Variants in CD46 observed in about 807,000 individuals in gnomAD.
CD46 encodes the protein CD46 molecule.
A neutral mutation model predicts 53.3 loss-of-function variants in CD46; 30 were observed. The ratio of observed to expected loss-of-function variants is 0.56; its 90% CI spans 0.42 to 0.76. The LOEUF (loss-of-function observed/expected upper bound fraction) is 0.76. Among genes scored for constraint, CD46 ranks in the 30% least tolerant of loss-of-function variants. The pLI, the probability that CD46 is intolerant of heterozygous loss-of-function variation, is 0.00. For synonymous variants in CD46, 142 were observed against 152.0 expected (o/e 0.93, Z 0.48); for missense variants, 409 against 463.0 (o/e 0.88, Z 1.07).
chr1:207,776,011 T>C (rs1445730217), intron 8 of CD46, among the ~76,000 whole-genome samples: 11 of 152,222 alleles, frequency 7.2e-5, no homozygotes. Context: ...TGAGCTGCGG[T>C]GGGCTCCTCC....
In CD46 at chr1:207,757,611, G is replaced by C; in HGVS notation, c.358G>C (p.Gly120Arg). 6.2e-7 allele frequency: 1 copy of C among 1,610,508 alleles called. No homozygotes were observed. Among genetic ancestry groups the C allele is most frequent in the Non-Finnish European group, 8.5e-7 (1 of 1,177,600 alleles). Residue 120 changes from glycine to arginine, a missense_variant, in exon 3 of 13, where the codon GGT becomes CGT. By Grantham distance (125) the Gly-to-Arg change is moderately radical. Transcript: ENST00000367042. The stretch of plus-strand genomic sequence containing the variant: ...CCCTGCAAATGGGACTTACGAGTTT[G>C]GTTATCAGATGCACTTTATTTGTAA... ...AVPANGTYEFGYQMHFICNEG... is the reference protein window; with the variant it reads ...AVPANGTYEFRYQMHFICNEG...
At chr1:207,790,471 C>A (rs1372796453) in intron 12 of CD46, 126 bp downstream of exon 12, 8 of 621,116 alleles carry the variant, frequency 1.3e-5, no homozygotes, top group Admixed American at 2.6e-5. Flanking sequence ...AATTTACATT[C>A]CTGTTCCCTT....
intron 11 of CD46, 99 bp downstream of exon 11, chr1:207,785,781 T>C (rs1659213592): frequency 2.2e-5 from 3 of 137,254 alleles, no homozygotes; most frequent in East Asian, 7.5e-5. Context: ...TGCTATCTTT[T>C]TTTTTTTTTT....
intron 8 of CD46, among the ~76,000 whole-genome samples, chr1:207,772,756 G>T (rs1309422964): frequency 6.6e-6 from 1 of 152,318 alleles, no homozygotes; most frequent in Admixed American, 6.5e-5. Flanking sequence ...AAGCCAACTT[G>T]ATTGTGGTGG....
At chr1:207,770,182 T>C (rs1009065113) in intron 7 of CD46, 139 bp from the exon 8 acceptor site, 1 of 698,574 alleles carries the variant, frequency 1.4e-6, no homozygotes, top group Non-Finnish European at 2.6e-6. Context: ...TAGGTTAAAT[T>C]CTAAGATGTG....
intron 8 of CD46, among the ~76,000 whole-genome samples, chr1:207,771,111 A>G (rs895609456): frequency 2.6e-5 from 4 of 152,202 alleles, no homozygotes; most frequent in Non-Finnish European, 5.9e-5. Context: ...CGTGAGTGGT[A>G]TCTCATTGTG....
intron 11 of CD46, among the ~76,000 whole-genome samples, chr1:207,787,375 A>G (rs1241566181): frequency 6.6e-6 from 1 of 152,136 alleles, no homozygotes; most frequent in Non-Finnish European, 1.5e-5. Context: ...CCCGGCCTTA[A>G]TGGGTCTTTT....
chr1:207,789,642 A>G (rs1260336192), intron 11 of CD46, among the ~76,000 whole-genome samples: 1 of 152,214 alleles, frequency 6.6e-6, no homozygotes, highest in Non-Finnish European at 1.5e-5. Flanking sequence ...TTCTTAATGT[A>G]AAAGTCCAGA....
chr1:207,777,637 C>T (rs996582525), intron 8 of CD46, among the ~76,000 whole-genome samples: 19 of 152,144 alleles, frequency 1.2e-4, no homozygotes, highest in African/African-American at 9.6e-5. Flanking sequence ...TTTATGGCTA[C>T]GTAGTATTCC....
intron 11 of CD46, among the ~76,000 whole-genome samples, chr1:207,789,142 G>A (rs1426481328): frequency 6.6e-6 from 1 of 152,058 alleles, no homozygotes; most frequent in East Asian, 1.9e-4. Flanking sequence ...TTTAAGTAAT[G>A]GTTTTTTTTA....
intron 5 of CD46, among the ~76,000 whole-genome samples, chr1:207,766,513 G>A (rs773111076): frequency 6.6e-6 from 1 of 151,978 alleles, no homozygotes; most frequent in Non-Finnish European, 1.5e-5. Context: ...AGAGAGAATG[G>A]TGTAAAATAT....
Position 207,790,350 on chromosome 1 carries a change from C to T in CD46, c.*41+5C>T, listed in dbSNP as rs375896782. On this transcript the variant is annotated splice_donor_5th_base_variant and intron_variant, in intron 12 of 12. Transcript: ENST00000367042. ...GTTTGCTTTTATCATTAAAAGGTATCTGTTTTCTGTTGTTTATTTTCAGAT... is the reference window on the plus strand; with the variant it reads ...GTTTGCTTTTATCATTAAAAGGTATTTGTTTTCTGTTGTTTATTTTCAGAT... The T allele has an allele frequency of 9.3e-6, 13 of 1,396,700 alleles. No individual in the cohort carries two copies. The highest frequency in any genetic ancestry group is 5.7e-5 in the African/African-American group (4 of 70,676). The allele number at this position is 1,396,700 out of a possible 1,614,324, so 86.5% of individuals were successfully genotyped here. A position where few individuals can be genotyped will look rare whatever the true frequency, so the allele number is the denominator to read the frequency against.
At chr1:207,770,188 A>T (rs1657333114) in intron 7 of CD46, 133 bp from the exon 8 acceptor site, 2 of 715,516 alleles carry the variant, frequency 2.8e-6, no homozygotes, top group East Asian at 5.3e-5. Context: ...AAATTCTAAG[A>T]TGTGGAATTG....
At chr1:207,783,143 TTAATA>T (rs1658939142) in intron 8 of CD46, 144 bp from the exon 9 acceptor site, 4 of 499,894 alleles carry the variant, frequency 8.0e-6, no homozygotes, top group Admixed American at 3.4e-5. Context: ...TTGAGAAACA[TTAATA>T]TAGTTTATAA....
rs2724390 is a variant in CD46 at position 207,793,980 on chromosome 1, A to G, written c.*503A>G. On this transcript the variant is annotated 3_prime_UTR_variant, in exon 13 of 13. Coordinates refer to ENST00000367042, the MANE Select transcript of CD46 (RefSeq NM_172351.3). The stretch of plus-strand genomic sequence containing the variant: ...AAGATTAATGCCAACTCTTAAGATT[A>G]TTCTTTCACCAACTATAGAATGTAT... The G allele has an allele frequency of 0.016, 3,495 of 213,272 alleles. 97 individuals are homozygous for G. The highest frequency in any genetic ancestry group is 0.054 in the African/African-American group (2,360 of 43,672). The allele number at this position is 213,272 out of a possible 1,614,324, so 13.2% of individuals were successfully genotyped here.
rs1208548886 is a variant in CD46 at position 207,753,922 on chromosome 1, G to A, written c.97+1613G>A. Among the ~76,000 whole-genome samples the A allele has an allele frequency of 2.6e-5, 4 of 152,170 alleles. No individual in the cohort carries two copies. The East Asian group carries it at 5.8e-4, about 22-fold the overall frequency. Reference sequence around the variant, plus strand: ...TTGTATGTCTGGTGCTATTACACTGGTAGGCAATAACAAACCATTCCTATT... The same window carrying A: ...TTGTATGTCTGGTGCTATTACACTGATAGGCAATAACAAACCATTCCTATT... On this transcript the variant is annotated intron_variant, in intron 1 of 12. Coordinates refer to ENST00000367042, the MANE Select transcript of CD46 (RefSeq NM_172351.3).
intron 6 of CD46, 133 bp downstream of exon 6, chr1:207,767,328 C>A: frequency 1.2e-6 from 1 of 828,046 alleles, no homozygotes; most frequent in Non-Finnish European, 2.0e-6. Flanking sequence ...TTAACTCTGT[C>A]TTGTATTCAT....
At chr1:207,755,982 ATT>A (rs1274137539) in intron 1 of CD46, among the ~76,000 whole-genome samples, 1 of 152,176 alleles carries the variant, frequency 6.6e-6, no homozygotes. Context: ...CTTGTTAACT[ATT>A]AAACACAAAA....
chr1:207,767,283 C>CTTTG, intron 6 of CD46, 88 bp downstream of exon 6: 2 of 1,144,926 alleles, frequency 1.7e-6, no homozygotes, highest in Non-Finnish European at 2.6e-6. Flanking sequence ...AACTATCAGT[C>CTTTG]ATACAAAATA....
Sources: allele counts gnomAD v4.1 joint callset (sites outside exome capture counted in the v4.1 genomes callset), GRCh38; gene constraint gnomAD v4.1.1; transcripts MANE v1.5; gene names NCBI Gene and HGNC (gene_info 2026-07-23, HGNC 2026-07-21).